Variants in FAM76A observed in about 807,000 individuals in gnomAD.
FAM76A encodes the protein family with sequence similarity 76 member A.
FAM76A carries 32 observed loss-of-function variants against 46.2 expected under a neutral mutation model. That is an observed-to-expected ratio of 0.69 (90% CI 0.52 to 0.93). The LOEUF (loss-of-function observed/expected upper bound fraction) is 0.93. Ranked by LOEUF, FAM76A falls within the 40% of genes least tolerant of loss-of-function variation. The pLI is 0.00. For synonymous variants in FAM76A, 137 were observed against 127.0 expected (o/e 1.08, Z -0.53); for missense variants, 274 against 361.5 (o/e 0.76, Z 1.96).
At chr1:27,737,327 A>T (rs911730651) in intron 4 of FAM76A, among the ~76,000 whole-genome samples, 11 of 152,146 alleles carry the variant, frequency 7.2e-5, no homozygotes, top group African/African-American at 2.7e-4. Context: ...CAATTTTTAT[A>T]TTCATTGTTT....
At position 27,759,769 on chromosome 1, in the gene FAM76A, TTTTTTTTTTG is replaced by T; in HGVS notation, c.837+152_837+161del. The T allele has an allele frequency of 4.6e-6, 3 of 649,144 alleles. No homozygotes were observed. The African/African-American group carries it at 6.5e-5, about 14-fold the overall frequency. The allele number at this position is 649,144 out of a possible 1,614,324, so 40.2% of individuals were successfully genotyped here. The stretch of plus-strand genomic sequence containing the variant: ...ATCATGTTAATCCCCCTTTTAGGTT[TTTTTTTTTTG>T]TTTTTTTTTTGAGACAGGTTCTCTG... On this transcript the variant is annotated intron_variant, in intron 8 of 8. Coordinates refer to ENST00000373954, the MANE Select transcript of FAM76A (RefSeq NM_152660.3).
intron 6 of FAM76A, among the ~76,000 whole-genome samples, chr1:27,750,161 C>T (rs764628817): frequency 3.3e-5 from 5 of 152,184 alleles, no homozygotes; most frequent in Non-Finnish European, 7.3e-5. Context: ...CCTTCCCAGC[C>T]AGTAGTGGAT....
At chr1:27,757,056 G>T (rs982188869) in intron 7 of FAM76A, among the ~76,000 whole-genome samples, 1 of 151,528 alleles carries the variant, frequency 6.6e-6, no homozygotes, top group Admixed American at 6.6e-5. Context: ...GCCAGACCCT[G>T]TCTCCAAAAA....
intron 6 of FAM76A, among the ~76,000 whole-genome samples, chr1:27,751,617 A>G (rs1205777816): frequency 6.7e-6 from 1 of 148,618 alleles, no homozygotes; most frequent in Non-Finnish European, 1.5e-5. Context: ...TGATCCTTCC[A>G]CCTAAGCCTC....
At chr1:27,751,531 G>T (rs1213108000) in intron 6 of FAM76A, among the ~76,000 whole-genome samples, 1 of 148,702 alleles carries the variant, frequency 6.7e-6, no homozygotes, top group Non-Finnish European at 1.5e-5. Context: ...TTGAGACAGG[G>T]TCTCACCCTG....
At chr1:27,738,858 C>G (rs900243063) in intron 4 of FAM76A, among the ~76,000 whole-genome samples, 1 of 152,012 alleles carries the variant, frequency 6.6e-6, no homozygotes, top group Non-Finnish European at 1.5e-5. Context: ...TGAGTGGAAA[C>G]TAGGATGATG....
chr1:27,729,503 C>T (rs2087920016), intron 2 of FAM76A, among the ~76,000 whole-genome samples: 1 of 151,206 alleles, frequency 6.6e-6, no homozygotes, highest in Non-Finnish European at 1.5e-5. Flanking sequence ...ACCGACCACA[C>T]CCAGCCTATC....
chr1:27,737,300 T>A (rs2088065606), intron 4 of FAM76A, among the ~76,000 whole-genome samples: 1 of 152,198 alleles, frequency 6.6e-6, no homozygotes, highest in South Asian at 2.1e-4. Flanking sequence ...GAAAAAAATG[T>A]CTTGTGGATC....
At chr1:27,734,948 A>G (rs575468440) in intron 4 of FAM76A, among the ~76,000 whole-genome samples, 1 of 152,250 alleles carries the variant, frequency 6.6e-6, no homozygotes, top group African/African-American at 2.4e-5. Flanking sequence ...GAGTTTGGTC[A>G]TATTACTCTC....
rs1422691021 is a variant in FAM76A, at chr1:27,762,837, A to T, written c.*2256A>T. 1.3e-5 allele frequency: 2 copies of T among 152,194 alleles called. No homozygotes were observed. Among genetic ancestry groups the T allele is most frequent in the Non-Finnish European group, 2.9e-5 (2 of 68,048 alleles). 9.4% of individuals were successfully genotyped at this position (152,194 alleles called of 1,614,324 possible). On this transcript the variant is annotated 3_prime_UTR_variant, in exon 9 of 9. Transcript: ENST00000373954. ...AATATAAAAACATACTTAGTTTTAT[A>T]CTAAATCTTTTTTTAAGGTCTTGGC...
rs868707940 is a variant in FAM76A at position 27,737,886 on chromosome 1, A to C, written c.354+3703A>C. Among the ~76,000 whole-genome samples the C allele has an allele frequency of 8.4e-3, 1,263 of 149,944 alleles. 27 individuals carry two copies. Among genetic ancestry groups the C allele is most frequent in the African/African-American group, 0.029 (1,171 of 40,792 alleles). ...ACAACAACAAAAAAAAAAAAAAAAA[A>C]AAAAAACAGAAAAAAAAAATTAGCC... On this transcript the variant is annotated intron_variant, in intron 4 of 8. Coordinates refer to ENST00000373954, the MANE Select transcript of FAM76A (RefSeq NM_152660.3).
intron 2 of FAM76A, among the ~76,000 whole-genome samples, chr1:27,729,202 C>G (rs1175205663): frequency 6.6e-6 from 1 of 151,594 alleles, no homozygotes; most frequent in Non-Finnish European, 1.5e-5. Context: ...AAGATTTTAT[C>G]ATGGATTTTT....
intron 8 of FAM76A, 58 bp downstream of exon 8, chr1:27,759,685 C>A: frequency 1.8e-6 from 2 of 1,123,066 alleles, no homozygotes; most frequent in Non-Finnish European, 2.6e-6. Context: ...GTATACCTAG[C>A]TGATTGTATT....
intron 4 of FAM76A, among the ~76,000 whole-genome samples, chr1:27,743,777 A>C (rs1571484530): frequency 6.6e-6 from 1 of 152,044 alleles, no homozygotes; most frequent in Non-Finnish European, 1.5e-5. Context: ...GAAAAAAAAA[A>C]AAACGAACAC....
chr1:27,741,726 T>TA (rs2088157352), intron 4 of FAM76A, among the ~76,000 whole-genome samples: 1 of 151,270 alleles, frequency 6.6e-6, no homozygotes, highest in Non-Finnish European at 1.5e-5. Flanking sequence ...ACTAAAAATA[T>TA]AAAAAAATTA....
At chr1:27,751,032 A>G (rs1295603782) in intron 6 of FAM76A, among the ~76,000 whole-genome samples, 1 of 152,042 alleles carries the variant, frequency 6.6e-6, no homozygotes, top group Non-Finnish European at 1.5e-5. Flanking sequence ...TGTGCCTGTA[A>G]TTCCAGCTAC....
chr1:27,760,107 GT>G, intron 8 of FAM76A: 1 of 387,606 alleles, frequency 2.6e-6, no homozygotes, highest in Non-Finnish European at 5.1e-6. Context: ...TCTTGGATGT[GT>G]TCTGATCTTT....
chr1:27,736,963 T>G (rs2088057191), intron 4 of FAM76A, among the ~76,000 whole-genome samples: 1 of 151,804 alleles, frequency 6.6e-6, no homozygotes, highest in South Asian at 2.1e-4. Flanking sequence ...TGTTGTTGTT[T>G]GAGACGGAGT....
chr1:27,740,688 A>G (rs2088136526), intron 4 of FAM76A: 2 of 496,726 alleles, frequency 4.0e-6, no homozygotes, highest in South Asian at 2.5e-5. Context: ...GAAAACAGGA[A>G]TATTGACTAC....
Sources: gnomAD v4.1 joint callset for allele counts (sites outside exome capture counted in the v4.1 genomes callset) on GRCh38, gnomAD v4.1.1 for gene constraint, MANE v1.5 for transcripts, NCBI Gene and HGNC (gene_info 2026-07-23, HGNC 2026-07-21) for gene names.